The following CSMD1 variants were observed in gnomAD, a reference collection of about 807,000 sequenced individuals.
CSMD1 encodes CUB and sushi domain-containing protein 1.
A neutral mutation model predicts 417.5 loss-of-function variants in CSMD1; 213 were observed. The ratio of observed to expected loss-of-function variants is 0.51; its 90% confidence interval spans 0.46 to 0.57. The LOEUF (loss-of-function observed/expected upper bound fraction) is 0.57. Among genes scored for constraint, CSMD1 ranks in the 20% least tolerant of loss-of-function variants. The probability of loss-of-function intolerance (pLI) is 0.00; values close to 1 mark genes in which losing one functional copy is unlikely to be tolerated. For missense variants in CSMD1, 6,923 were observed against 4,529.7 expected, an observed-to-expected ratio of 1.53 and a Z score of -15.17; for synonymous variants, 2,862 against 1,736.8, an observed-to-expected ratio of 1.65 and a Z score of -16.11.
intron 1 of CSMD1, among the ~76,000 whole-genome samples, chr8:4,994,099 A>G (rs60401037): frequency 0.029 from 4,333 of 147,228 alleles, 185 homozygotes; most frequent in African/African-American, 0.1. Flanking sequence ...CTCTCCTGTG[A>G]GCCCAAGAGA....
chr8:4,194,624 C>A (rs1799223606), intron 3 of CSMD1, among the ~76,000 whole-genome samples: 2 of 152,108 alleles, frequency 1.3e-5, no homozygotes, highest in South Asian at 4.1e-4. Flanking sequence ...AGTAATCATA[C>A]ATCTCCCACA....
Position 4,608,662 on chromosome 8 carries a change from C to G in CSMD1, c.302+28680G>C, listed in dbSNP as rs567158809. Among the ~76,000 whole-genome samples the G allele has an allele frequency of 5.3e-5, 8 of 152,306 alleles. No homozygotes were observed. In the South Asian group the frequency reaches 1.7e-3, roughly 32 times the overall value. On this transcript the variant is annotated intron_variant, in intron 2 of 69. Transcript: ENST00000635120. ...ACATTTTTAATCACCGTTTATTAAG[C>G]AATGTCCTAAAGTCCTCTTTGTGGG...
intron 2 of CSMD1, among the ~76,000 whole-genome samples, chr8:4,424,851 C>A (rs542986228): frequency 6.6e-6 from 1 of 152,026 alleles, no homozygotes; most frequent in Non-Finnish European, 1.5e-5. Context: ...ATACAGTACA[C>A]AGAAACTCTT....
chr8:3,796,372 T>C (rs1360983186), intron 5 of CSMD1, among the ~76,000 whole-genome samples: 1 of 36,492 alleles, frequency 2.7e-5, no homozygotes, highest in African/African-American at 8.6e-5. Context: ...TAGATATCTA[T>C]CATGTATATA....
At chr8:4,397,115 C>T (rs189688589) in intron 3 of CSMD1, among the ~76,000 whole-genome samples, 59 of 152,144 alleles carry the variant, frequency 3.9e-4, no homozygotes, top group African/African-American at 1.1e-3. Flanking sequence ...AGTATATAAC[C>T]ATCTGCACGC....
chr8:3,788,635 G>A (rs1361051382), intron 5 of CSMD1, among the ~76,000 whole-genome samples: 1 of 152,128 alleles, frequency 6.6e-6, no homozygotes, highest in Non-Finnish European at 1.5e-5. Flanking sequence ...CATTTTACTT[G>A]AGCCCTCTGA....
At chr8:4,442,865 A>C (rs866328885) in intron 2 of CSMD1, among the ~76,000 whole-genome samples, 8 of 152,178 alleles carry the variant, frequency 5.3e-5, no homozygotes, top group Middle Eastern at 3.2e-3. Context: ...TGGGACTGTA[A>C]ATTAATGAGA....
intron 3 of CSMD1, among the ~76,000 whole-genome samples, chr8:4,298,769 T>G (rs753513943): frequency 6.6e-6 from 1 of 152,082 alleles, no homozygotes; most frequent in Non-Finnish European, 1.5e-5. Context: ...ATTTGTGCTT[T>G]TGAATAAATT....
At chr8:4,876,457 AT>A (rs1160169397) in intron 1 of CSMD1, among the ~76,000 whole-genome samples, 4 of 152,096 alleles carry the variant, frequency 2.6e-5, no homozygotes, top group Non-Finnish European at 5.9e-5. Flanking sequence ...ACTAAGAACA[AT>A]TTTAAAAATT....
intron 12 of CSMD1, among the ~76,000 whole-genome samples, chr8:3,428,592 G>C (rs1184703523): frequency 2.0e-5 from 3 of 152,162 alleles, no homozygotes; most frequent in African/African-American, 4.8e-5. Flanking sequence ...GTGTGTAAGA[G>C]TTCACCGTTA....
chr8:3,977,681 A>C (rs1429929948), intron 5 of CSMD1, among the ~76,000 whole-genome samples: 1 of 152,202 alleles, frequency 6.6e-6, no homozygotes, highest in Non-Finnish European at 1.5e-5. Context: ...AGAATGTGGT[A>C]AATCACCAAC....
At chr8:4,749,634 G>T (rs1338964336) in intron 1 of CSMD1, among the ~76,000 whole-genome samples, 1 of 152,118 alleles carries the variant, frequency 6.6e-6, no homozygotes, top group African/African-American at 2.4e-5. Context: ...AGCGTCAAAA[G>T]TTTCACTTTA....
chr8:4,500,489 T>C (rs1194213176), intron 2 of CSMD1, among the ~76,000 whole-genome samples: 1 of 152,190 alleles, frequency 6.6e-6, no homozygotes, highest in Non-Finnish European at 1.5e-5. Context: ...ATACGGAGTA[T>C]GACTCCTTTT....
intron 4 of CSMD1, among the ~76,000 whole-genome samples, chr8:3,999,393 C>T (rs931996252): frequency 6.6e-6 from 1 of 152,188 alleles, no homozygotes; most frequent in African/African-American, 2.4e-5. Flanking sequence ...AAATGACCTC[C>T]TTTTATTAAC....
chr8:4,052,135 G>T (rs546201248), intron 3 of CSMD1, among the ~76,000 whole-genome samples: 1 of 151,956 alleles, frequency 6.6e-6, no homozygotes, highest in Non-Finnish European at 1.5e-5. Context: ...ATGTTGGTCA[G>T]GGTGGTCTCG....
intron 3 of CSMD1, among the ~76,000 whole-genome samples, chr8:4,308,007 G>C (rs1798343208): frequency 6.6e-6 from 1 of 152,166 alleles, no homozygotes; most frequent in African/African-American, 2.4e-5. Flanking sequence ...GATGTAAACA[G>C]TGATGGTGGG....
At chr8:3,039,719 G>A (rs1274623046) in intron 50 of CSMD1, among the ~76,000 whole-genome samples, 1 of 152,080 alleles carries the variant, frequency 6.6e-6, no homozygotes, top group Non-Finnish European at 1.5e-5. Flanking sequence ...CAGGCCTAAG[G>A]TCTTTCAAAA....
chr8:4,375,154 G>A (rs1322872117), intron 3 of CSMD1, among the ~76,000 whole-genome samples: 1 of 152,152 alleles, frequency 6.6e-6, no homozygotes, highest in African/African-American at 2.4e-5. Flanking sequence ...AAAATACAGT[G>A]TTAGGGTAAA....
chr8:4,741,682 C>G (rs1033610700), intron 1 of CSMD1, among the ~76,000 whole-genome samples: 1 of 152,190 alleles, frequency 6.6e-6, no homozygotes, highest in Admixed American at 6.5e-5. Flanking sequence ...TAAATCACAT[C>G]TTTTCCATTG....
Sources: allele counts gnomAD v4.1 joint callset (sites outside exome capture counted in the v4.1 genomes callset), GRCh38; gene constraint gnomAD v4.1.1; transcripts MANE v1.5; gene names NCBI Gene and HGNC (gene_info 2026-07-23, HGNC 2026-07-21).